The following UNC93A variants were observed in gnomAD, a reference collection of about 807,000 sequenced individuals.
The protein encoded by UNC93A is unc-93 homolog A, also known as N-acetylglucosamine transporter UNC93A.
A neutral mutation model predicts 47.5 loss-of-function variants in UNC93A; 43 were observed. The ratio of observed to expected loss-of-function variants is 0.91; its 90% CI spans 0.71 to 1.17. The LOEUF (loss-of-function observed/expected upper bound fraction) is 1.17. UNC93A is among the 50% of genes most tolerant of loss of function. The pLI is 0.00. For missense variants in UNC93A, 605 were observed against 577.6 expected (o/e 1.05, Z -0.49); for synonymous variants, 280 against 258.0 (o/e 1.09, Z -0.82).
intron 1 of UNC93A, among the ~76,000 whole-genome samples, chr6:167,280,350 G>A (rs1783611713): frequency 6.6e-6 from 1 of 152,144 alleles, no homozygotes; most frequent in South Asian, 2.1e-4. Context: ...GTGCTTTCAA[G>A]GGAAAATGCT....
chr6:167,276,647 T>TGCTC (rs1247814147), intron 1 of UNC93A, among the ~76,000 whole-genome samples: 1 of 152,152 alleles, frequency 6.6e-6, no homozygotes, highest in Non-Finnish European at 1.5e-5. Context: ...AGCTGTGCTG[T>TGCTC]GCTCCTCCTT....
At chr6:167,313,503 T>TG (rs957649966) in intron 7 of UNC93A, among the ~76,000 whole-genome samples, 6 of 151,614 alleles carry the variant, frequency 4.0e-5, no homozygotes, top group East Asian at 1.9e-4. Context: ...AGGGAGATGG[T>TG]GGGGGGGCTG....
At chr6:167,278,892 G>C (rs115824959) in intron 1 of UNC93A, among the ~76,000 whole-genome samples, 1,988 of 152,278 alleles carry the variant, frequency 0.013, 47 homozygotes, top group African/African-American at 0.046. Flanking sequence ...CAGTTGTAAT[G>C]TCCAGGAAAA....
chr6:167,312,199 C>A (rs1305163805), intron 7 of UNC93A, among the ~76,000 whole-genome samples: 1 of 151,612 alleles, frequency 6.6e-6, no homozygotes, highest in Non-Finnish European at 1.5e-5. Context: ...GAGGACAGCT[C>A]CCTGGTGAGG....
chr6:167,295,651 G>C (rs1279200122), intron 2 of UNC93A, among the ~76,000 whole-genome samples: 14 of 100,860 alleles, frequency 1.4e-4, no homozygotes, highest in Admixed American at 9.3e-5. Context: ...CGTGCTCCTC[G>C]CCTCCCTCGT....
At chr6:167,288,623 T>G (rs1474293126), upstream of UNC93A, among the ~76,000 whole-genome samples, 1 of 152,230 alleles carries the variant, frequency 6.6e-6, no homozygotes, top group Non-Finnish European at 1.5e-5. Context: ...TTGGTATTGC[T>G]TTTATTAACA....
At chr6:167,287,186 C>T (rs1783751776), upstream of UNC93A, among the ~76,000 whole-genome samples, 1 of 152,084 alleles carries the variant, frequency 6.6e-6, no homozygotes, top group African/African-American at 2.4e-5. Context: ...GCCCGGCTTC[C>T]TCCACTGCTC....
chr6:167,314,053 T>C (rs924510380), intron 7 of UNC93A, among the ~76,000 whole-genome samples: 1 of 152,314 alleles, frequency 6.6e-6, no homozygotes, highest in Admixed American at 6.5e-5. Context: ...ACTCCCCTGC[T>C]GTAAGCGCAT....
intron 1 of UNC93A, among the ~76,000 whole-genome samples, chr6:167,285,302 G>A (rs1167280330): frequency 2.6e-5 from 4 of 152,012 alleles, no homozygotes; most frequent in Middle Eastern, 3.4e-3. Flanking sequence ...TGCAGAATTC[G>A]GGAAATACTT....
chr6:167,276,916 T>C (rs527820842), intron 1 of UNC93A, among the ~76,000 whole-genome samples: 1 of 152,338 alleles, frequency 6.6e-6, no homozygotes, highest in African/African-American at 2.4e-5. Flanking sequence ...GGGGTGTACC[T>C]GCAGCCCACG....
At chr6:167,274,007 G>A (rs1371151974) in intron 1 of UNC93A, among the ~76,000 whole-genome samples, 1 of 152,172 alleles carries the variant, frequency 6.6e-6, no homozygotes, top group Non-Finnish European at 1.5e-5. Context: ...GGCCTGGAAA[G>A]GGAACAGGAT....
At chr6:167,301,299 A>G (rs1250947205) in intron 4 of UNC93A, among the ~76,000 whole-genome samples, 1 of 152,238 alleles carries the variant, frequency 6.6e-6, no homozygotes, top group Non-Finnish European at 1.5e-5. Context: ...GTCCAAGTCT[A>G]GAAGTTATGT....
At chr6:167,283,241 G>A (rs1460978751) in intron 1 of UNC93A, among the ~76,000 whole-genome samples, 2 of 152,134 alleles carry the variant, frequency 1.3e-5, no homozygotes, top group Non-Finnish European at 2.9e-5. Context: ...TTCTTTCAAA[G>A]CCTGCTATCT....
intron 1 of UNC93A, among the ~76,000 whole-genome samples, chr6:167,285,909 T>C (rs1033351371): frequency 3.3e-5 from 5 of 150,746 alleles, no homozygotes; most frequent in Admixed American, 6.7e-5. Context: ...CTCCCACCAA[T>C]TCTATGTCCA....
intron 7 of UNC93A, among the ~76,000 whole-genome samples, chr6:167,313,491 G>A (rs1007112099): frequency 6.6e-6 from 1 of 152,064 alleles, no homozygotes; most frequent in African/African-American, 2.4e-5. Context: ...AGAACTTGAC[G>A]AAGGGAGATG....
intron 4 of UNC93A, among the ~76,000 whole-genome samples, chr6:167,300,237 G>A (rs530562552): frequency 4.2e-4 from 64 of 152,332 alleles, no homozygotes; most frequent in African/African-American, 1.2e-3. Flanking sequence ...CATGGTGACT[G>A]GAATCATGTC....
At chr6:167,285,709 CAGG>C (rs1783715098) in intron 1 of UNC93A, among the ~76,000 whole-genome samples, 1 of 151,554 alleles carries the variant, frequency 6.6e-6, no homozygotes, top group Non-Finnish European at 1.5e-5. Context: ...GCAGCTCAAC[CAGG>C]AGAATGGGCA....
chr6:167,273,600 C>G lies in UNC93A; in HGVS notation c.-52+2142C>G, dbSNP rs544647059. Among the ~76,000 whole-genome samples, 6 of 152,250 alleles carry G rather than the reference C, an allele frequency of 3.9e-5. 1 individual carries two copies. The highest frequency in any genetic ancestry group is 3.9e-4 in the Admixed American group (6 of 15,292). ...GAGCCAAACGTGAGTGACCATGGCC[C>G]GTGACACAGTCCTCAGGAGACCCGG... On this transcript the variant is annotated intron_variant, in intron 1 of 3. Transcript: ENST00000503433.
chr6:167,302,733 TG>T (rs1235957178), intron 4 of UNC93A, among the ~76,000 whole-genome samples: 1 of 152,200 alleles, frequency 6.6e-6, no homozygotes. Flanking sequence ...AATATTTTTT[TG>T]TATAGATAAC....
Sources: allele counts gnomAD v4.1 joint callset (sites outside exome capture counted in the v4.1 genomes callset), GRCh38; gene constraint gnomAD v4.1.1; transcripts MANE v1.5; gene names NCBI Gene and HGNC (gene_info 2026-07-23, HGNC 2026-07-21).